TG: variants seen among roughly 807,000 people sequenced by gnomAD.
TG encodes the protein thyroid hormones.
Under a neutral mutation model 324.7 loss-of-function variants are expected in TG, and 270 were observed. The ratio of observed to expected loss-of-function variants is 0.83; its 90% CI spans 0.75 to 0.92. TG has a LOEUF of 0.92. Ranked by LOEUF, TG falls within the 40% of genes least tolerant of loss-of-function variation. The probability of loss-of-function intolerance (pLI) is 0.00; values close to 1 mark genes in which losing one functional copy is unlikely to be tolerated. For synonymous variants in TG, 1,401 were observed against 1,327.0 expected (o/e 1.06, Z -1.21); for missense variants, 3,591 against 3,456.4 (o/e 1.04, Z -0.98).
chr8:133,077,400 G>A (rs1845058693), intron 41 of TG, among the ~76,000 whole-genome samples: 1 of 152,140 alleles, frequency 6.6e-6, no homozygotes, highest in Non-Finnish European at 1.5e-5. Context: ...GTGGGTCATT[G>A]GGTGACTGAA....
intron 34 of TG, among the ~76,000 whole-genome samples, chr8:132,979,188 C>T (rs990118262): frequency 1.3e-5 from 2 of 152,116 alleles, no homozygotes; most frequent in Admixed American, 1.3e-4. Context: ...TTAAGCAGTA[C>T]CCCAGAGCCC....
At position 132,867,580 on chromosome 8, in the gene TG, C is replaced by T. The variant is rs78855066; in HGVS notation, c.67+513C>T. Among the ~76,000 whole-genome samples, 1,318 of 146,196 alleles carry T rather than the reference C, an allele frequency of 9.0e-3. 37 individuals carry two copies. The highest frequency in any genetic ancestry group is 0.089 in the East Asian group (443 of 4,968). On this transcript the variant is annotated intron_variant, in intron 1 of 47. Coordinates refer to ENST00000220616, the MANE Select transcript of TG (RefSeq NM_003235.5). ...AACAAATAACACACACCTCATGATG[C>T]GGTTGTGATTTCTGGGTAGGACCCT...
At chr8:133,002,939 T>C (rs1345482933) in intron 35 of TG, 5 of 967,044 alleles carry the variant, frequency 5.2e-6, no homozygotes, top group Non-Finnish European at 5.0e-6. Context: ...TTTTGAACAG[T>C]GCCCATTCCC....
chr8:132,935,839 T>C lies in TG; in HGVS notation c.5016T>C (p.Asp1672=). 6.2e-7 allele frequency: 1 copy of C among 1,612,606 alleles called. No individual in the cohort carries two copies. Among genetic ancestry groups the C allele is most frequent in the Non-Finnish European group, 8.5e-7 (1 of 1,180,018 alleles). The part of the protein sequence containing the change: ...CQVKVRSHGQ[D]SPAVYLKKGQ... ...TGAAAGTGAGGAGCCATGGTCAAGA[T>C]TCTCCAGCTGTGTATTTGAAAAAGG... The change falls in exon 25 of 48, where the codon GAT becomes GAC. Residue 1672 remains aspartate (D), a synonymous_variant. Transcript: ENST00000220616.
At chr8:132,911,682 A>G in intron 19 of TG, 149 bp downstream of exon 19, 3 of 697,610 alleles carry the variant, frequency 4.3e-6, no homozygotes, top group Non-Finnish European at 7.5e-6. Context: ...AACATATAAT[A>G]ATCAATAGAC....
At position 132,897,801 on chromosome 8, in the gene TG, G is replaced by C; in HGVS notation, c.3139+15G>C. ...CGCTGGGACTGGTAAGGAGGGATAG[G>C]CACCTTCAGGTGGCCAAGTGACACC... On this transcript the variant is annotated intron_variant, in intron 12 of 47. Transcript: ENST00000220616. 1 of 1,613,986 alleles carries C rather than the reference G, an allele frequency of 6.2e-7. No homozygotes were observed. The highest frequency in any genetic ancestry group is 1.7e-5 in the Admixed American group (1 of 60,030).
chr8:132,980,415 G>A (rs1255009124), intron 34 of TG, among the ~76,000 whole-genome samples: 1 of 152,102 alleles, frequency 6.6e-6, no homozygotes, highest in African/African-American at 2.4e-5. Flanking sequence ...AACACACAGA[G>A]GTGCTGGGAG....
intron 26 of TG, among the ~76,000 whole-genome samples, chr8:132,943,008 G>T (rs1029127523): frequency 2.0e-5 from 3 of 152,172 alleles, no homozygotes; most frequent in African/African-American, 7.2e-5. Context: ...GACTGTTGCT[G>T]CCTCCAGCAT....
intron 41 of TG, among the ~76,000 whole-genome samples, chr8:133,083,559 AACATAGC>A (rs1291791086): frequency 3.3e-5 from 5 of 152,122 alleles, no homozygotes; most frequent in Non-Finnish European, 7.4e-5. Flanking sequence ...CACACCTTGA[AACATAGC>A]ACATACCCAT....
At chr8:132,931,503 C>T (rs1822717559) in intron 23 of TG, among the ~76,000 whole-genome samples, 1 of 152,062 alleles carries the variant, frequency 6.6e-6, no homozygotes, top group African/African-American at 2.4e-5. Flanking sequence ...GGTAAGAAAA[C>T]CAAGGCATCT....
chr8:132,894,993 A>G (rs912341598), intron 11 of TG, among the ~76,000 whole-genome samples: 1 of 152,214 alleles, frequency 6.6e-6, no homozygotes, highest in Non-Finnish European at 1.5e-5. Context: ...CCTCCAGTTC[A>G]TCTCTCCTGT....
chr8:133,095,454 G>T (rs76591611), intron 42 of TG, among the ~76,000 whole-genome samples: 37 of 152,262 alleles, frequency 2.4e-4, no homozygotes, highest in Non-Finnish European at 4.7e-4. Context: ...TTTATAACAT[G>T]GGAATAGTTA....
rs181629407 is a variant in TG at position 132,900,544 on chromosome 8, C to T, written c.3433+205C>T. On this transcript the variant is annotated intron_variant, in intron 15 of 47. Transcript: ENST00000220616. ...TCTGCAGTTTCTTGGGAGAAGCAAA[C>T]GTGGGAGGGAGTAGGCTGTGCTTTG... Among the ~76,000 whole-genome samples, 60 of 152,288 alleles carry T rather than the reference C, an allele frequency of 3.9e-4. 1 individual carries two copies. Among genetic ancestry groups the T allele is most frequent in the African/African-American group, 1.2e-3 (49 of 41,576 alleles).
intron 41 of TG, among the ~76,000 whole-genome samples, chr8:133,087,453 C>T (rs1019883280): frequency 6.6e-6 from 1 of 152,168 alleles, no homozygotes; most frequent in Non-Finnish European, 1.5e-5. Context: ...TGAGGGGACT[C>T]ATTTCTCTCC....
At chr8:133,060,057 T>C in intron 41 of TG, 1 of 1,539,598 alleles carries the variant, frequency 6.5e-7, no homozygotes, top group Non-Finnish European at 8.7e-7. Context: ...CACAGGCTCT[T>C]GTAGCACAGA....
chr8:133,071,653 T>G (rs1587989920), intron 41 of TG, among the ~76,000 whole-genome samples: 3 of 148,492 alleles, frequency 2.0e-5, no homozygotes, highest in African/African-American at 5.0e-5. Flanking sequence ...AGGGGAGGAG[T>G]GGGGGGAGGA....
In TG at chr8:132,898,706, C is replaced by G. The variant is rs115832745; in HGVS notation, c.3218-92C>G. The G allele has an allele frequency of 9.8e-4, 1,043 of 1,062,860 alleles. 7 individuals are homozygous for G. In the African/African-American group the frequency reaches 0.014, roughly 14 times the overall value. The allele number at this position is 1,062,860 out of a possible 1,614,324, so 65.8% of individuals were successfully genotyped here. A position where few individuals can be genotyped will look rare whatever the true frequency, so the allele number is the denominator to read the frequency against. On this transcript the variant is annotated intron_variant, in intron 13 of 47. Coordinates refer to ENST00000220616, the MANE Select transcript of TG (RefSeq NM_003235.5). ...TGAAGAGCACCTGCATTCACCCAGG[C>G]TCATGACCCTTAAAGGTGGGGTCAG... is the stretch of plus-strand genomic sequence containing the variant.
Position 133,113,415 on chromosome 8 carries a change from T to C in TG, c.7573-7T>C. 2.5e-6 allele frequency: 4 copies of C among 1,614,098 alleles called. No individual in the cohort carries two copies. The highest frequency in any genetic ancestry group is 3.4e-6 in the Non-Finnish European group (4 of 1,180,004). On this transcript the variant is annotated splice_region_variant and splice_polypyrimidine_tract_variant and intron_variant, in intron 43 of 47. Transcript: ENST00000220616. ...CTGAGGAATTTCGTATCTTTTTTTT[T>C]TTCTAGCAATTTGAGGAAAGTCGAG...
intron 43 of TG, among the ~76,000 whole-genome samples, chr8:133,111,955 C>T (rs56350942): frequency 0.027 from 4,059 of 152,342 alleles, 174 homozygotes; most frequent in African/African-American, 0.093. Context: ...CTCGTTCAGC[C>T]GGGTGGAGAG....
Sources: gnomAD v4.1 joint callset for allele counts (sites outside exome capture counted in the v4.1 genomes callset) on GRCh38, gnomAD v4.1.1 for gene constraint, MANE v1.5 for transcripts, NCBI Gene and HGNC (gene_info 2026-07-23, HGNC 2026-07-21) for gene names.